Variants in DEPDC5 observed in about 807,000 individuals in gnomAD.
The protein encoded by DEPDC5 is GATOR1 complex protein DEPDC5.
DEPDC5 carries 73 observed loss-of-function variants against 217.3 expected under a neutral mutation model. The observed-to-expected ratio is 0.34, with a 90% CI of 0.28 to 0.41. DEPDC5 has a LOEUF of 0.41. DEPDC5 is among the 10% of genes least tolerant of loss of function. DEPDC5 has a pLI of 1.00. For missense variants in DEPDC5, 1,675 were observed against 2,070.1 expected (o/e 0.81, Z 3.70); for synonymous variants, 733 against 756.7 (o/e 0.97, Z 0.51).
intron 2 of DEPDC5, chr22:31,755,307 T>G (rs1427516939): frequency 2.8e-6 from 1 of 357,974 alleles, no homozygotes; most frequent in East Asian, 6.0e-5. Context: ...CTAAAATCGT[T>G]TATCAGTTTT....
At chr22:31,760,456 G>A (rs2082297919) in intron 3 of DEPDC5, among the ~76,000 whole-genome samples, 200 bp from the exon 4 acceptor site, 1 of 152,104 alleles carries the variant, frequency 6.6e-6, no homozygotes, top group African/African-American at 2.4e-5. Context: ...CACCTGCCTC[G>A]GCCTCCCAAA....
chr22:31,819,356 T>A, intron 22 of DEPDC5, 131 bp downstream of exon 22: 1 of 928,516 alleles, frequency 1.1e-6, no homozygotes, highest in South Asian at 1.6e-5. Context: ...CCATGCCCAC[T>A]TTGGCCATCC....
At chr22:31,839,109 C>A (rs1276767943) in intron 27 of DEPDC5, among the ~76,000 whole-genome samples, 1 of 152,166 alleles carries the variant, frequency 6.6e-6, no homozygotes, top group Non-Finnish European at 1.5e-5. Flanking sequence ...GGACAGACAC[C>A]TGGGAATAGT....
intron 36 of DEPDC5, chr22:31,875,435 A>G (rs112076563): frequency 0.022 from 3,320 of 152,496 alleles, 39 homozygotes; most frequent in Middle Eastern, 0.031. Context: ...AGAATACCTT[A>G]TATTCTCTAT....
chr22:31,818,462 A>G (rs919999722), intron 21 of DEPDC5, among the ~76,000 whole-genome samples: 1 of 152,124 alleles, frequency 6.6e-6, no homozygotes, highest in Non-Finnish European at 1.5e-5. Context: ...ATTTGTGGAG[A>G]TCATTGTGGT....
chr22:31,852,339 ATTT>A (rs71320909), intron 31 of DEPDC5, among the ~76,000 whole-genome samples: 7 of 125,948 alleles, frequency 5.6e-5, no homozygotes, highest in African/African-American at 1.5e-4. Context: ...ATTTATTACT[ATTT>A]TTTTTTTTTT....
intron 16 of DEPDC5, among the ~76,000 whole-genome samples, 176 bp downstream of exon 16, chr22:31,804,399 C>T (rs1466337610): frequency 6.6e-6 from 1 of 152,160 alleles, no homozygotes; most frequent in South Asian, 2.1e-4. Flanking sequence ...CTATGAATAA[C>T]CACTGCACTC....
chr22:31,768,463 G>A (rs1311138090), intron 6 of DEPDC5, among the ~76,000 whole-genome samples: 2 of 152,124 alleles, frequency 1.3e-5, no homozygotes, highest in African/African-American at 4.8e-5. Flanking sequence ...GAGATAAAAT[G>A]AGAAACAACA....
intron 22 of DEPDC5, 121 bp from the exon 23 acceptor site, chr22:31,821,381 T>C (rs2089681985): frequency 7.1e-7 from 1 of 1,412,196 alleles, no homozygotes; most frequent in Non-Finnish European, 9.8e-7. Flanking sequence ...CTGTGGTGTG[T>C]TCTTCTTTCA....
chr22:31,787,604 C>T (rs914931008), intron 10 of DEPDC5, among the ~76,000 whole-genome samples: 2 of 151,898 alleles, frequency 1.3e-5, no homozygotes, highest in East Asian at 1.9e-4. Context: ...GCCAAAAGTT[C>T]GAGTAACCCA....
chr22:31,793,402 C>A (rs1214027016), intron 12 of DEPDC5, among the ~76,000 whole-genome samples: 1 of 151,940 alleles, frequency 6.6e-6, no homozygotes, highest in South Asian at 2.1e-4. Context: ...AGCCCGTATA[C>A]CCAATACCTG....
chr22:31,809,450 C>T (rs1453202685), intron 18 of DEPDC5, among the ~76,000 whole-genome samples, 161 bp from the exon 19 acceptor site: 3 of 152,114 alleles, frequency 2.0e-5, no homozygotes, highest in Non-Finnish European at 4.4e-5. Context: ...AGATGTGATA[C>T]GGGAATAAAG....
At chr22:31,821,357 T>G in intron 22 of DEPDC5, 145 bp from the exon 23 acceptor site, 16 of 1,140,360 alleles carry the variant, frequency 1.4e-5, no homozygotes, top group Non-Finnish European at 1.8e-5. Context: ...CAGATGTCCT[T>G]TGGGAGCCAC....
At chr22:31,905,799 G>A (rs2093747620) in intron 41 of DEPDC5, among the ~76,000 whole-genome samples, 185 bp from the exon 42 acceptor site, 1 of 152,072 alleles carries the variant, frequency 6.6e-6, no homozygotes, top group East Asian at 1.9e-4. Flanking sequence ...GGTGTTGGAA[G>A]AGGTAGAGGT....
rs35489633 is a variant in DEPDC5 at position 31,828,452 on chromosome 22, CAAAAAAAAAAA to C, written c.2105-5451_2105-5441del. Among the ~76,000 whole-genome samples, 5 of 73,198 alleles carry C rather than the reference CAAAAAAAAAAA, an allele frequency of 6.8e-5. No homozygotes were observed. In the South Asian group the frequency reaches 2.5e-3, roughly 37 times the overall value. The allele number at this position is 73,198 out of a possible 152,430, so 48.0% of individuals were successfully genotyped here. ...AGGCAACAAGAGCAAAACTCCGTCTCAAAAAAAAAAAAAAAAAAAAAACAGTTCCTGGCACA... is the reference window on the plus strand; with the variant it reads ...AGGCAACAAGAGCAAAACTCCGTCTCAAAAAAAAAAACAGTTCCTGGCACA... On this transcript the variant is annotated intron_variant, in intron 24 of 42. Transcript: ENST00000651528.
rs764136341 is a variant in DEPDC5 at position 31,876,137 on chromosome 22, A to G, written c.3697-20A>G. 1.2e-6 allele frequency: 2 copies of G among 1,611,692 alleles called. No individual in the cohort carries two copies. The highest frequency in any genetic ancestry group is 1.1e-5 in the South Asian group (1 of 91,012). On this transcript the variant is annotated intron_variant, in intron 36 of 42. Transcript: ENST00000651528. ...AGATGCCTCTCTGCAGGAATTTCAG[A>G]GTTTCAATGTCTCTCCTAGAAAATG...
chr22:31,765,552 G>A, intron 5 of DEPDC5, among the ~76,000 whole-genome samples: 1 of 152,076 alleles, frequency 6.6e-6, no homozygotes. Context: ...GCCTCCCAGA[G>A]TGCTGGGATT....
chr22:31,765,832 G>A lies in DEPDC5; in HGVS notation c.280-753G>A, dbSNP rs563740448. 4.6e-5 allele frequency among the ~76,000 whole-genome samples: 7 copies of A among 152,192 alleles called. No individual in the cohort carries two copies. In the South Asian group the frequency reaches 1.0e-3, roughly 23 times the overall value. On this transcript the variant is annotated intron_variant, in intron 5 of 42. Coordinates refer to ENST00000651528, the MANE Select transcript of DEPDC5 (RefSeq NM_001242896.3). ...GAGGTCAGGAGTTTGAGACCAGCCT[G>A]GGAAACATGGTGAAACCCTGTCTCT...
chr22:31,807,276 A>G (rs1017621863), intron 18 of DEPDC5, among the ~76,000 whole-genome samples: 13 of 152,200 alleles, frequency 8.5e-5, no homozygotes, highest in Non-Finnish European at 1.9e-4. Context: ...AATTGAAGTG[A>G]TAATATGCAA....
Sources: gnomAD v4.1 joint callset for allele counts (sites outside exome capture counted in the v4.1 genomes callset) on GRCh38, gnomAD v4.1.1 for gene constraint, MANE v1.5 for transcripts, NCBI Gene and HGNC (gene_info 2026-07-23, HGNC 2026-07-21) for gene names.